PACRG: variants seen among roughly 807,000 people sequenced by gnomAD.
PACRG encodes parkin coregulated gene protein.
Under a neutral mutation model 29.7 loss-of-function variants are expected in PACRG, and 29 were observed. The observed-to-expected ratio is 0.98, with a 90% CI of 0.73 to 1.33. The LOEUF is 1.33. Among genes scored for constraint, PACRG ranks in the 40% most tolerant of loss-of-function variants. The pLI, the probability that PACRG is intolerant of heterozygous loss-of-function variation, is 0.00. For missense variants in PACRG, 279 were observed against 316.2 expected (o/e 0.88, Z 0.89); for synonymous variants, 116 against 118.7 (o/e 0.98, Z 0.15).
At chr6:163,313,030 A>G (rs1318747848) in intron 4 of PACRG, 1 of 204,798 alleles carries the variant, frequency 4.9e-6, no homozygotes, top group African/African-American at 2.4e-5. Flanking sequence ...TGCTGGTATT[A>G]CAGGCATGAG....
chr6:163,058,815 G>C (rs544014105), intron 2 of PACRG, among the ~76,000 whole-genome samples: 1 of 152,212 alleles, frequency 6.6e-6, no homozygotes, highest in Non-Finnish European at 1.5e-5. Context: ...TGGGAGAATC[G>C]CGTGAACCCG....
At chr6:163,312,854 G>A (rs1232007152) in intron 4 of PACRG, 1 of 409,560 alleles carries the variant, frequency 2.4e-6, no homozygotes, top group East Asian at 9.0e-5. Flanking sequence ...CTGGGCTCAA[G>A]TGATCCTCCC....
chr6:163,039,671 C>A (rs1322286059), intron 2 of PACRG, among the ~76,000 whole-genome samples: 2 of 152,164 alleles, frequency 1.3e-5, no homozygotes, highest in Non-Finnish European at 2.9e-5. Flanking sequence ...AGCATTTTGC[C>A]CCTGCCCTTG....
intron 2 of PACRG, among the ~76,000 whole-genome samples, chr6:162,958,365 C>T (rs372466839): frequency 3.3e-5 from 5 of 152,030 alleles, no homozygotes; most frequent in African/African-American, 7.2e-5. Context: ...CAGCCTATCT[C>T]GTTTGTATGA....
chr6:162,764,301 C>T (rs907349617), intron 1 of PACRG, among the ~76,000 whole-genome samples: 1 of 151,724 alleles, frequency 6.6e-6, no homozygotes, highest in Non-Finnish European at 1.5e-5. Flanking sequence ...GGGAGTTGCT[C>T]CATATTATTG....
chr6:163,043,461 A>G (rs982609929), intron 2 of PACRG, among the ~76,000 whole-genome samples: 1 of 152,170 alleles, frequency 6.6e-6, no homozygotes, highest in African/African-American at 2.4e-5. Flanking sequence ...CTGAGGCAGG[A>G]GAACTGCTTG....
chr6:162,773,494 ATTTTTTT>A (rs71008110), intron 1 of PACRG, among the ~76,000 whole-genome samples: 2 of 66,024 alleles, frequency 3.0e-5, no homozygotes, highest in African/African-American at 1.3e-4. Context: ...ACAGCTTGTC[ATTTTTTT>A]TTTTTTTTTT....
At chr6:162,883,465 A>T (rs993528075) in intron 2 of PACRG, among the ~76,000 whole-genome samples, 4 of 152,160 alleles carry the variant, frequency 2.6e-5, no homozygotes, top group Non-Finnish European at 4.4e-5. Flanking sequence ...CATTCCTCTC[A>T]TGGCATGGAT....
intron 4 of PACRG, among the ~76,000 whole-genome samples, chr6:163,115,182 A>G (rs187758242): frequency 3.8e-4 from 58 of 152,244 alleles, no homozygotes; most frequent in Non-Finnish European, 1.5e-5. Flanking sequence ...TACCTACTGC[A>G]TGCTGAGTTC....
At chr6:163,090,934 C>T (rs142169700) in intron 4 of PACRG, among the ~76,000 whole-genome samples, 145 of 152,308 alleles carry the variant, frequency 9.5e-4, no homozygotes, top group African/African-American at 3.2e-3. Context: ...TGTACTATTA[C>T]TATTTCCATT....
intron 3 of PACRG, among the ~76,000 whole-genome samples, chr6:163,079,414 A>G (rs1180420663): frequency 6.6e-6 from 1 of 151,478 alleles, no homozygotes; most frequent in African/African-American, 2.4e-5. Flanking sequence ...AGTTAAAAAA[A>G]AAAAAAAGAA....
At chr6:163,080,427 C>T (rs756382533) in intron 3 of PACRG, among the ~76,000 whole-genome samples, 90 of 151,852 alleles carry the variant, frequency 5.9e-4, no homozygotes, top group Non-Finnish European at 1.1e-3. Flanking sequence ...TTCTGTGAGA[C>T]GTGCTCATAC....
intron 1 of PACRG, among the ~76,000 whole-genome samples, chr6:162,800,058 CT>C (rs1418849262): frequency 6.6e-6 from 1 of 152,086 alleles, no homozygotes; most frequent in Non-Finnish European, 1.5e-5. Context: ...TCATTCAGGC[CT>C]TTTATCAGTT....
chr6:163,306,038 T>C (rs770594980), intron 4 of PACRG, among the ~76,000 whole-genome samples: 1 of 152,224 alleles, frequency 6.6e-6, no homozygotes, highest in Non-Finnish European at 1.5e-5. Flanking sequence ...TTTTTCAGGA[T>C]CCCAGTATCA....
rs369658680 is a variant in PACRG, at chr6:162,977,406, T to TAAA, written c.292-84735_292-84733dup. On this transcript the variant is annotated intron_variant, in intron 2 of 4. Transcript: ENST00000366888. ...ATTTTCTTTTATTAAAATTTCAAAT[T>TAAA]AAAAAAAAAAACCAGCAATAAGTCC... Among the ~76,000 whole-genome samples the TAAA allele has an allele frequency of 5.4e-4, 80 of 148,390 alleles. 2 individuals are homozygous for TAAA. The South Asian group carries it at 8.1e-3, about 15-fold the overall frequency.
chr6:163,065,994 C>T (rs550428833), intron 3 of PACRG, among the ~76,000 whole-genome samples: 3 of 152,148 alleles, frequency 2.0e-5, no homozygotes, highest in East Asian at 1.9e-4. Flanking sequence ...ACTATCAGAG[C>T]GACAGGAATA....
intron 4 of PACRG, among the ~76,000 whole-genome samples, chr6:163,131,224 C>T (rs141504838): frequency 2.0e-3 from 293 of 149,524 alleles, no homozygotes; most frequent in African/African-American, 6.7e-3. Context: ...GGGAGGATGG[C>T]GTGAACCCGG....
chr6:162,807,825 AAC>A (rs1467300999), intron 1 of PACRG, among the ~76,000 whole-genome samples: 2 of 152,214 alleles, frequency 1.3e-5, no homozygotes, highest in African/African-American at 4.8e-5. Flanking sequence ...TTACTAAATA[AAC>A]ACAATATCTG....
rs12527753 is a variant in PACRG, at chr6:162,853,022, C to G, written c.291+38741C>G. On this transcript the variant is annotated intron_variant, in intron 2 of 4. Transcript: ENST00000366888. This position sits in a 1 kb window ranked among gnomAD's most constrained non-coding sequence, Gnocchi z 4.7. ...CAAACGGAGCCTGTGGCCTGGTGACCTGGGGCCTTGCAGCCAGAGACAGTG... is the reference window on the plus strand; with the variant it reads ...CAAACGGAGCCTGTGGCCTGGTGACGTGGGGCCTTGCAGCCAGAGACAGTG... Among the ~76,000 whole-genome samples the G allele has an allele frequency of 6.6e-6, 1 of 152,148 alleles. No individual in the cohort carries two copies. The highest frequency in any genetic ancestry group is 2.4e-5 in the African/African-American group (1 of 41,420).
Sources: allele counts gnomAD v4.1 joint callset (sites outside exome capture counted in the v4.1 genomes callset), GRCh38; gene constraint gnomAD v4.1.1; non-coding constraint Gnocchi (gnomAD v3.1); transcripts MANE v1.5; gene names NCBI Gene and HGNC (gene_info 2026-07-23, HGNC 2026-07-21).